The following MSRA variants were observed in gnomAD, a reference collection of about 807,000 sequenced individuals.
The protein encoded by MSRA is mitochondrial peptide methionine sulfoxide reductase.
Under a neutral mutation model 31.3 loss-of-function variants are expected in MSRA, and 54 were observed. That is an observed-to-expected ratio of 1.73 (90% CI 1.39 to 2.17). The LOEUF (loss-of-function observed/expected upper bound fraction) is 2.17, where lower values mean the gene tolerates loss of function less well. Ranked by LOEUF, MSRA falls within the 30% of genes most tolerant of loss-of-function variation. The probability of loss-of-function intolerance (pLI) is 0.00; values close to 1 mark genes in which losing one functional copy is unlikely to be tolerated. For missense variants in MSRA, 507 were observed against 300.9 expected, an observed-to-expected ratio of 1.69 and a Z score of -5.07; for synonymous variants, 169 against 116.5, an observed-to-expected ratio of 1.45 and a Z score of -2.90.
chr8:10,395,001 C>A (rs1807006692), intron 5 of MSRA, among the ~76,000 whole-genome samples: 1 of 152,210 alleles, frequency 6.6e-6, no homozygotes, highest in Non-Finnish European at 1.5e-5. Context: ...GGGACCTATA[C>A]AAATGATTTC....
chr8:10,281,505 C>T (rs1000020221), intron 3 of MSRA, among the ~76,000 whole-genome samples: 3 of 152,162 alleles, frequency 2.0e-5, no homozygotes, highest in African/African-American at 2.4e-5. Flanking sequence ...CAAGCACACC[C>T]GACCTAGACA....
intron 4 of MSRA, among the ~76,000 whole-genome samples, chr8:10,318,516 A>T (rs901424199): frequency 6.6e-6 from 1 of 152,200 alleles, no homozygotes; most frequent in Non-Finnish European, 1.5e-5. Context: ...ATTTGCAGAA[A>T]GAGGAAAGAC....
chr8:10,322,606 C>T (rs1802108216), intron 5 of MSRA, among the ~76,000 whole-genome samples: 2 of 152,122 alleles, frequency 1.3e-5, no homozygotes, highest in South Asian at 2.1e-4. Context: ...TTGGAGGAGC[C>T]ATGGGCTGTT....
intron 5 of MSRA, among the ~76,000 whole-genome samples, chr8:10,407,103 C>T (rs1020465878): frequency 1.3e-5 from 2 of 152,158 alleles, no homozygotes; most frequent in Admixed American, 6.5e-5. Flanking sequence ...TCTTGAACTC[C>T]GGGACTCAAG....
intron 1 of MSRA, among the ~76,000 whole-genome samples, chr8:10,160,672 G>C (rs915787497): frequency 6.6e-6 from 1 of 152,068 alleles, no homozygotes; most frequent in African/African-American, 2.4e-5. Context: ...TGGGATTACA[G>C]GTGACTGCTA....
At chr8:10,404,051 A>G (rs1377025885) in intron 5 of MSRA, among the ~76,000 whole-genome samples, 1 of 152,220 alleles carries the variant, frequency 6.6e-6, no homozygotes, top group East Asian at 1.9e-4. Context: ...ATTATATATC[A>G]TATTAACATA....
chr8:10,247,999 G>T (rs902673434), intron 3 of MSRA, among the ~76,000 whole-genome samples: 1 of 152,160 alleles, frequency 6.6e-6, no homozygotes, highest in African/African-American at 2.4e-5. Flanking sequence ...AGGTTACACT[G>T]GCGGGCCTCC....
intron 1 of MSRA, among the ~76,000 whole-genome samples, chr8:10,121,468 C>T (rs531363866): frequency 1.1e-4 from 17 of 152,076 alleles, no homozygotes; most frequent in South Asian, 8.3e-4. Flanking sequence ...TTGCTTAGAG[C>T]GATCCAGGAT....
chr8:10,280,361 A>T (rs1799555339), intron 3 of MSRA, among the ~76,000 whole-genome samples: 1 of 70,838 alleles, frequency 1.4e-5, no homozygotes, highest in African/African-American at 5.0e-5. Context: ...GCTCCTTTCT[A>T]ATAATTAATT....
intron 5 of MSRA, among the ~76,000 whole-genome samples, chr8:10,409,879 T>C (rs1318122513): frequency 2.0e-5 from 3 of 152,146 alleles, no homozygotes; most frequent in African/African-American, 4.8e-5. Context: ...CTGGGCAACA[T>C]AGACCCTGTC....
intron 5 of MSRA, among the ~76,000 whole-genome samples, chr8:10,348,087 G>T (rs753516439): frequency 2.6e-5 from 4 of 152,196 alleles, no homozygotes; most frequent in Non-Finnish European, 5.9e-5. Context: ...GTTAAGGTGG[G>T]TTCATCCTTA....
At chr8:10,334,132 TATC>T (rs1802875647) in intron 5 of MSRA, among the ~76,000 whole-genome samples, 1 of 151,366 alleles carries the variant, frequency 6.6e-6, no homozygotes, top group Non-Finnish European at 1.5e-5. Context: ...CCTGCGTTAA[TATC>T]ATCTCTTATC....
intron 3 of MSRA, among the ~76,000 whole-genome samples, chr8:10,269,950 C>T (rs945825865): frequency 6.6e-6 from 1 of 152,238 alleles, no homozygotes; most frequent in Non-Finnish European, 1.5e-5. Flanking sequence ...CGTGCCTGGC[C>T]TGCTACCGCT....
rs188393658 is a variant in MSRA, at chr8:10,157,446, C to T, written c.143-50387C>T. Among the ~76,000 whole-genome samples, 2 of 152,084 alleles carry T rather than the reference C, an allele frequency of 1.3e-5. 1 individual carries two copies. Among genetic ancestry groups the T allele is most frequent in the Non-Finnish European group, 2.9e-5 (2 of 68,012 alleles). On this transcript the variant is annotated intron_variant, in intron 1 of 5. Coordinates refer to ENST00000317173, the MANE Select transcript of MSRA (RefSeq NM_012331.5). ...GGAAACTAAAATAGCATGACATTTT[C>T]AAAGAATTTTTAAAAAGATTACTGT...
intron 5 of MSRA, among the ~76,000 whole-genome samples, chr8:10,380,965 A>G (rs1424162646): frequency 6.6e-6 from 1 of 151,954 alleles, no homozygotes; most frequent in African/African-American, 2.4e-5. Flanking sequence ...AGATGGACGG[A>G]TGGGTAGAAG....
At chr8:10,082,782 C>G (rs1335185445) in intron 1 of MSRA, among the ~76,000 whole-genome samples, 3 of 152,144 alleles carry the variant, frequency 2.0e-5, no homozygotes, top group Non-Finnish European at 4.4e-5. Context: ...GTGTTTTATT[C>G]CACCCGCTCC....
chr8:10,210,561 A>G (rs1250204776), intron 2 of MSRA, among the ~76,000 whole-genome samples: 1 of 152,164 alleles, frequency 6.6e-6, no homozygotes, highest in East Asian at 1.9e-4. Flanking sequence ...TACGGCTATC[A>G]TGCTTTTCCA....
chr8:10,202,881 G>C (rs541830000), intron 1 of MSRA, among the ~76,000 whole-genome samples: 2 of 152,270 alleles, frequency 1.3e-5, no homozygotes, highest in African/African-American at 4.8e-5. Flanking sequence ...GGCATGAAGA[G>C]GTTGAGTGAC....
At chr8:10,152,072 C>T (rs1036755299) in intron 1 of MSRA, among the ~76,000 whole-genome samples, 1 of 152,198 alleles carries the variant, frequency 6.6e-6, no homozygotes, top group South Asian at 2.1e-4. Flanking sequence ...TGAAACATGG[C>T]TCCCTTAACT....
Sources: allele counts gnomAD v4.1 joint callset (sites outside exome capture counted in the v4.1 genomes callset), GRCh38; gene constraint gnomAD v4.1.1; transcripts MANE v1.5; gene names NCBI Gene and HGNC (gene_info 2026-07-23, HGNC 2026-07-21).